GRIK4: variants seen among roughly 807,000 people sequenced by gnomAD.
The protein encoded by GRIK4 is glutamate ionotropic receptor kainate type subunit 4.
GRIK4 carries 40 observed loss-of-function variants against 104.9 expected under a neutral mutation model. The ratio of observed to expected loss-of-function variants is 0.38; its 90% CI spans 0.30 to 0.50. The LOEUF (loss-of-function observed/expected upper bound fraction) is 0.50, where lower values mean the gene tolerates loss of function less well. Among genes scored for constraint, GRIK4 ranks in the 20% least tolerant of loss-of-function variants. GRIK4 has a pLI of 0.93. For synonymous variants in GRIK4, 485 were observed against 524.9 expected (o/e 0.92, Z 1.04); for missense variants, 1,047 against 1,308.1 (o/e 0.80, Z 3.08).
At chr11:120,563,762 G>A (rs1948270653) in intron 1 of GRIK4, among the ~76,000 whole-genome samples, 3 of 152,140 alleles carry the variant, frequency 2.0e-5, no homozygotes, top group East Asian at 3.9e-4. Context: ...CCCTTCCCCA[G>A]GTCATTCAGA....
intron 1 of GRIK4, among the ~76,000 whole-genome samples, chr11:120,552,447 G>A (rs558326146): frequency 6.6e-6 from 1 of 152,290 alleles, no homozygotes; most frequent in African/African-American, 2.4e-5. Flanking sequence ...GCAATGAGCT[G>A]AGGGTGTTGG....
intron 1 of GRIK4, among the ~76,000 whole-genome samples, chr11:120,521,186 A>G (rs552246211): frequency 2.0e-5 from 3 of 152,122 alleles, no homozygotes; most frequent in African/African-American, 7.2e-5. Flanking sequence ...CCTGGGTTCA[A>G]CTGATCCTCC....
At chr11:120,653,198 A>T (rs1347729114) in intron 1 of GRIK4, among the ~76,000 whole-genome samples, 1 of 152,230 alleles carries the variant, frequency 6.6e-6, no homozygotes, top group Non-Finnish European at 1.5e-5. Flanking sequence ...TCCTGCCCTC[A>T]TGGGGCTTGT....
chr11:120,858,027 A>G (rs1954162264), intron 8 of GRIK4, among the ~76,000 whole-genome samples: 1 of 152,190 alleles, frequency 6.6e-6, no homozygotes, highest in Admixed American at 6.5e-5. Context: ...GGTTTGGGAC[A>G]ATGGGAGTCG....
rs189164933 is a variant in GRIK4, at chr11:120,760,843, T to G, written c.83-41850T>G. Among the ~76,000 whole-genome samples the G allele has an allele frequency of 1.5e-3, 223 of 152,304 alleles. 2 individuals are homozygous for G. Among genetic ancestry groups the G allele is most frequent in the African/African-American group, 5.0e-3 (209 of 41,568 alleles). On this transcript the variant is annotated intron_variant, in intron 3 of 20. Transcript: ENST00000527524. ...TGCCACATTTTTTTTTTATTCAGTC[T>G]GTCATTGATGGGCATTTGGGTTGGT...
chr11:120,892,098 G>A (rs2134455631), intron 11 of GRIK4, among the ~76,000 whole-genome samples: 1 of 152,270 alleles, frequency 6.6e-6, no homozygotes, highest in Non-Finnish European at 1.5e-5. Flanking sequence ...AGGGGCTGGG[G>A]GGCAGGGGTT....
At chr11:120,815,580 G>T (rs970286917) in intron 5 of GRIK4, 105 bp downstream of exon 5, 2 of 635,268 alleles carry the variant, frequency 3.1e-6, no homozygotes, top group Admixed American at 3.6e-5. Context: ...TCAAGGCTGG[G>T]TTGGTATCAT....
intron 11 of GRIK4, among the ~76,000 whole-genome samples, chr11:120,889,296 A>G (rs1326727443): frequency 6.6e-6 from 1 of 152,190 alleles, no homozygotes; most frequent in African/African-American, 2.4e-5. Flanking sequence ...TCAAATACAG[A>G]TCTATATAAT....
At chr11:120,914,719 A>C (rs1943070342) in intron 13 of GRIK4, among the ~76,000 whole-genome samples, 1 of 152,168 alleles carries the variant, frequency 6.6e-6, no homozygotes, top group Admixed American at 6.5e-5. Context: ...TTTATAAACT[A>C]TGTCCAGAGC....
chr11:120,758,460 G>A (rs1951689937), intron 3 of GRIK4, among the ~76,000 whole-genome samples: 1 of 152,152 alleles, frequency 6.6e-6, no homozygotes, highest in Non-Finnish European at 1.5e-5. Flanking sequence ...TTTGGGAAAT[G>A]CTGCATTTTA....
At chr11:120,894,331 C>T (rs1185902444) in intron 11 of GRIK4, 1 of 152,226 alleles carries the variant, frequency 6.6e-6, no homozygotes, top group Non-Finnish European at 1.5e-5. Flanking sequence ...GTTCACGTAG[C>T]TCATCAGCAG....
Position 120,819,677 on chromosome 11 carries a change from C to A in GRIK4, c.346-78C>A. 3 of 1,385,170 alleles carry A rather than the reference C, an allele frequency of 2.2e-6. No individual in the cohort carries two copies. Among genetic ancestry groups the A allele is most frequent in the Non-Finnish European group, 3.1e-6 (3 of 976,600 alleles). 85.8% of individuals were successfully genotyped at this position (1,385,170 alleles called of 1,614,324 possible). ...CATAAAAGAACTCACCCTCCACAAC[C>A]TCAGCTCACTCATCCCTCTTTCTTC... On this transcript the variant is annotated intron_variant, in intron 5 of 20. Transcript: ENST00000527524. This position sits in a 1 kb window ranked among gnomAD's most constrained non-coding sequence, Gnocchi z 4.3.
intron 6 of GRIK4, among the ~76,000 whole-genome samples, chr11:120,826,747 C>T (rs1489599021): frequency 6.6e-6 from 1 of 152,222 alleles, no homozygotes; most frequent in Non-Finnish European, 1.5e-5. Context: ...TCTTGCCCTG[C>T]TGGTCTTCCC....
At chr11:120,874,827 C>G (rs1312193907) in intron 10 of GRIK4, among the ~76,000 whole-genome samples, 1 of 152,136 alleles carries the variant, frequency 6.6e-6, no homozygotes, top group Admixed American at 6.5e-5. Context: ...TGTGGACAGC[C>G]AAGGGCCTGG....
intron 9 of GRIK4, 98 bp downstream of exon 9, chr11:120,862,218 C>A: frequency 1.0e-6 from 1 of 1,001,048 alleles, no homozygotes; most frequent in Non-Finnish European, 1.5e-6. Context: ...TGGAGTCCAG[C>A]CGTCTCCTGC....
At chr11:120,787,852 C>CTT (rs58523604) in intron 3 of GRIK4, among the ~76,000 whole-genome samples, 3,277 of 76,328 alleles carry the variant, frequency 0.043, 457 homozygotes, top group African/African-American at 0.049. Context: ...CTTTTCTTTT[C>CTT]TTTTTTTTTT....
chr11:120,751,788 G>C (rs928568420), intron 3 of GRIK4, among the ~76,000 whole-genome samples: 1 of 152,216 alleles, frequency 6.6e-6, no homozygotes, highest in African/African-American at 2.4e-5. Context: ...GGGCTTCCGG[G>C]CTGGCTCCTG....
intron 3 of GRIK4, among the ~76,000 whole-genome samples, chr11:120,766,533 A>T (rs1439138924): frequency 6.6e-6 from 1 of 152,140 alleles, no homozygotes; most frequent in Non-Finnish European, 1.5e-5. Flanking sequence ...TTTGGTGTCT[A>T]CTCAAATGGC....
At chr11:120,811,477 A>G (rs1952827449) in intron 4 of GRIK4, among the ~76,000 whole-genome samples, 1 of 152,122 alleles carries the variant, frequency 6.6e-6, no homozygotes, top group South Asian at 2.1e-4. Flanking sequence ...TTGATTTTGT[A>G]TCTGTAAAAT....
Sources: allele counts gnomAD v4.1 joint callset (sites outside exome capture counted in the v4.1 genomes callset), GRCh38; gene constraint gnomAD v4.1.1; non-coding constraint Gnocchi (gnomAD v3.1); transcripts MANE v1.5; gene names NCBI Gene and HGNC (gene_info 2026-07-23, HGNC 2026-07-21).